Variants in SRL observed in about 807,000 individuals in gnomAD.
SRL encodes the protein sarcalumenin.
Under a neutral mutation model 39.5 loss-of-function variants are expected in SRL, and 23 were observed. The ratio of observed to expected loss-of-function variants is 0.58; its 90% CI spans 0.42 to 0.82. The LOEUF (loss-of-function observed/expected upper bound fraction) is 0.82. Ranked by LOEUF, SRL falls within the 40% of genes least tolerant of loss-of-function variation. The probability of loss-of-function intolerance (pLI) is 0.00; values close to 1 mark genes in which losing one functional copy is unlikely to be tolerated. For missense variants in SRL, 592 were observed against 607.8 expected (o/e 0.97, Z 0.27); for synonymous variants, 272 against 237.4 (o/e 1.15, Z -1.34).
At position 4,202,292 on chromosome 16, in the gene SRL, A is replaced by T. The variant is rs534197795; in HGVS notation, c.259+874T>A. 2.4e-3 allele frequency among the ~76,000 whole-genome samples: 370 copies of T among 152,342 alleles called. 1 individual carries two copies. Among genetic ancestry groups the T allele is most frequent in the African/African-American group, 8.8e-3 (364 of 41,574 alleles). On this transcript the variant is annotated intron_variant, in intron 3 of 5. Coordinates refer to ENST00000399609, the MANE Select transcript of SRL (RefSeq NM_001098814.2). ...TAACGATGTGTTTCTCTGGGAGTCG[A>T]ATTAAAGAAGTTGGAGGTCGGCTGG...
chr16:4,193,499 C>T (rs757865003), intron 5 of SRL, among the ~76,000 whole-genome samples: 4 of 152,160 alleles, frequency 2.6e-5, no homozygotes, highest in East Asian at 1.9e-4. Context: ...GCATTATTTA[C>T]GGGGAAGGAA....
chr16:4,225,935 C>T (rs1355527185), intron 1 of SRL, among the ~76,000 whole-genome samples: 1 of 152,084 alleles, frequency 6.6e-6, no homozygotes, highest in Non-Finnish European at 1.5e-5. Context: ...CCCATGTGCC[C>T]CCTCGTCCAC....
At chr16:4,220,636 A>G (rs1166536096) in intron 1 of SRL, among the ~76,000 whole-genome samples, 1 of 152,092 alleles carries the variant, frequency 6.6e-6, no homozygotes, top group African/African-American at 2.4e-5. Flanking sequence ...ATCCCACCCC[A>G]GGGAGAAATC....
At chr16:4,204,697 C>T (rs577257839) in intron 1 of SRL, 63 bp from the exon 2 acceptor site, 12 of 1,479,946 alleles carry the variant, frequency 8.1e-6, no homozygotes, top group East Asian at 6.8e-5. Flanking sequence ...CTCTGGGCCC[C>T]GGCACAGCAG....
At chr16:4,195,938 T>C in intron 4 of SRL, 152 bp from the exon 5 acceptor site, 2 of 658,796 alleles carry the variant, frequency 3.0e-6, no homozygotes, top group Non-Finnish European at 5.1e-6. Context: ...TTAATTGTGG[T>C]AAAACATACA....
Position 4,192,751 on chromosome 16 carries a change from C to T in SRL, c.824G>A (p.Ser275Asn), listed in dbSNP as rs1382763256. The change falls in exon 6 of 6, where the codon AGC (serine) becomes AAC (asparagine). Residue 275 changes from serine to asparagine, a missense_variant. Physicochemically the swap from Ser to Asn is conservative, Grantham distance 46. Transcript: ENST00000399609. The surrounding 1 kb of genome is among the most constrained non-coding windows in gnomAD (Gnocchi z 4.0). ...TGTGACATTGATGAGAGGGGCCAAG[C>T]TCCAGAAGAGGGCCCCGTAAACCCG... ...LMRVYGALFW[S>N]LAPLINVTEP... The T allele has an allele frequency of 6.2e-7, 1 of 1,614,048 alleles. No individual in the cohort carries two copies. The highest frequency in any genetic ancestry group is 2.2e-5 in the East Asian group (1 of 44,890).
intron 1 of SRL, among the ~76,000 whole-genome samples, chr16:4,240,986 G>C (rs896008441): frequency 2.6e-5 from 4 of 152,092 alleles, no homozygotes; most frequent in Middle Eastern, 3.2e-3. Flanking sequence ...AATAGCTTTT[G>C]TTCCCACCCA....
At position 4,242,024 on chromosome 16, in the gene SRL, AG is replaced by A. The variant is rs746864605; in HGVS notation, c.43del (p.Leu15CysfsTer18). The A allele has an allele frequency of 1.2e-5, 19 of 1,613,544 alleles. No homozygotes were observed. Among genetic ancestry groups the A allele is most frequent in the Non-Finnish European group, 1.6e-5 (19 of 1,179,956 alleles). ...GGCCCTACCTGCTTGTCCTGAGAACAGGAGCGAGGCCAGGAGGCAGCCGAGC... is the reference window on the plus strand; with the variant it reads ...GGCCCTACCTGCTTGTCCTGAGAACAGAGCGAGGCCAGGAGGCAGCCGAGC... The part of the protein sequence containing the change: ...VLLGCLLASL[L>X]FSGQAEETED... On this transcript the variant is annotated frameshift_variant, in exon 1 of 6. Transcript: ENST00000399609. LOFTEE classifies it high-confidence loss of function.
chr16:4,218,639 C>T (rs758091825), intron 1 of SRL, among the ~76,000 whole-genome samples: 1 of 152,192 alleles, frequency 6.6e-6, no homozygotes, highest in South Asian at 2.1e-4. Flanking sequence ...GGGCCCTGCT[C>T]CTCCATCACC....
rs1349668760 is a variant in SRL at position 4,241,998 on chromosome 16, G to T, written c.61+9C>A. ...AGTCTGGGCTGGGTCATGCTGGGAG[G>T]GGCCCTACCTGCTTGTCCTGAGAAC... On this transcript the variant is annotated intron_variant, in intron 1 of 5. Coordinates refer to ENST00000399609, the MANE Select transcript of SRL (RefSeq NM_001098814.2). 3 of 1,613,658 alleles carry T rather than the reference G, an allele frequency of 1.9e-6. No individual in the cohort carries two copies. Among genetic ancestry groups the T allele is most frequent in the Non-Finnish European group, 2.5e-6 (3 of 1,179,954 alleles).
intron 4 of SRL, among the ~76,000 whole-genome samples, chr16:4,196,800 A>G (rs2052152615): frequency 6.6e-6 from 1 of 152,106 alleles, no homozygotes; most frequent in African/African-American, 2.4e-5. Context: ...TATAAGTGAA[A>G]TCAGACAGTA....
rs1479427851 is a variant in SRL, at chr16:4,204,601, A to C, written c.95T>G (p.Leu32Trp). The C allele has an allele frequency of 2.5e-6, 4 of 1,614,090 alleles. No individual in the cohort carries two copies. In the African/African-American group the frequency reaches 5.3e-5, roughly 22 times the overall value. The change falls in exon 2 of 6, where the codon TTG becomes TGG. Residue 32 changes from leucine (L) to tryptophan (W), a missense_variant. By Grantham distance (61) the Leu-to-Trp change is moderately conservative. Coordinates refer to ENST00000399609, the MANE Select transcript of SRL (RefSeq NM_001098814.2). ...ETEDANEEAP[L>W]RDRSHIEKTL... ...CTTCTCGATGTGGGAGCGGTCCCTC[A>C]ATGGGGCTTCTTCATTTGCATCCTC...
intron 3 of SRL, among the ~76,000 whole-genome samples, chr16:4,200,775 C>T (rs1168936737): frequency 6.6e-6 from 1 of 152,202 alleles, no homozygotes; most frequent in Non-Finnish European, 1.5e-5. Context: ...TCCCTGCTTC[C>T]AGCTGTGTGA....
intron 1 of SRL, among the ~76,000 whole-genome samples, chr16:4,220,786 C>G (rs892128280): frequency 1.1e-4 from 16 of 151,954 alleles, no homozygotes; most frequent in South Asian, 6.2e-4. Context: ...CCCAGGAGTT[C>G]AAGACCAGCC....
chr16:4,197,072 T>TTC (rs2052158404), intron 4 of SRL, among the ~76,000 whole-genome samples: 2 of 85,282 alleles, frequency 2.3e-5, no homozygotes, highest in African/African-American at 9.0e-5. Flanking sequence ...TTTTTTTTTT[T>TTC]TTTTTTTTTT....
intron 1 of SRL, chr16:4,207,227 A>G (rs921195666): frequency 1.5e-5 from 7 of 456,288 alleles, no homozygotes; most frequent in Non-Finnish European, 3.1e-5. Context: ...TTCCATCACC[A>G]CTTTCCTCTT....
chr16:4,193,210 C>T lies in SRL; in HGVS notation c.611-246G>A, dbSNP rs1305886635. On this transcript the variant is annotated intron_variant, in intron 5 of 5. Transcript: ENST00000399609. ...TTGAGACAGGGTCTCACTCTGTCAC[C>T]CAGGCTGGAGTGCAGTGGCATGATT... is the stretch of plus-strand genomic sequence containing the variant. Among the ~76,000 whole-genome samples, 5 of 152,070 alleles carry T rather than the reference C, an allele frequency of 3.3e-5. No individual in the cohort carries two copies. The East Asian group carries it at 9.6e-4, about 29-fold the overall frequency.
chr16:4,229,523 G>A (rs980984057), intron 1 of SRL, among the ~76,000 whole-genome samples: 2 of 152,006 alleles, frequency 1.3e-5, no homozygotes, highest in Non-Finnish European at 2.9e-5. Context: ...GCGAATTAAG[G>A]CAGAAACAAA....
intron 1 of SRL, among the ~76,000 whole-genome samples, chr16:4,232,085 G>T (rs147779258): frequency 2.0e-5 from 3 of 152,284 alleles, no homozygotes; most frequent in Middle Eastern, 3.4e-3. Context: ...CAGGCCAGCC[G>T]CTCTGCCTCT....
Sources: gnomAD v4.1 joint callset for allele counts (sites outside exome capture counted in the v4.1 genomes callset) on GRCh38, gnomAD v4.1.1 for gene constraint, Gnocchi (gnomAD v3.1) non-coding constraint, MANE v1.5 for transcripts, NCBI Gene and HGNC (gene_info 2026-07-23, HGNC 2026-07-21) for gene names.